The following ZHX2 variants were observed in gnomAD, a reference collection of about 807,000 sequenced individuals.
The protein encoded by ZHX2 is zinc fingers and homeoboxes 2.
ZHX2 carries 6 observed loss-of-function variants against 21.9 expected under a neutral mutation model. The observed-to-expected ratio is 0.27, with a 90% CI of 0.15 to 0.54. ZHX2 has a LOEUF of 0.54. ZHX2 is among the 20% of genes least tolerant of loss of function. The pLI is 0.95. For missense variants in ZHX2, 908 were observed against 1,090.7 expected (o/e 0.83, Z 2.36); for synonymous variants, 434 against 437.1 (o/e 0.99, Z 0.09).
chr8:122,875,145 A>T lies in ZHX2; in HGVS notation c.-220+11606A>T, dbSNP rs1454370975. On this transcript the variant is annotated intron_variant, in intron 2 of 3. Transcript: ENST00000314393. The stretch of plus-strand genomic sequence containing the variant: ...AAAACTCTGTTATATATATATATAT[A>T]TATATATATATATATATATATATAT... 5.8e-3 allele frequency among the ~76,000 whole-genome samples: 21 copies of T among 3,620 alleles called. 1 individual carries two copies. Among genetic ancestry groups the T allele is most frequent in the African/African-American group, 0.014 (20 of 1,388 alleles). The allele number at this position is 3,620 out of a possible 152,430, so 2.4% of individuals were successfully genotyped here. A position where few individuals can be genotyped will look rare whatever the true frequency, so the allele number is the denominator to read the frequency against.
intron 1 of ZHX2, among the ~76,000 whole-genome samples, chr8:122,799,292 G>A (rs970190910): frequency 1.3e-5 from 2 of 152,194 alleles, no homozygotes; most frequent in African/African-American, 4.8e-5. Context: ...GGCAGTGGCA[G>A]CTCTTTCCTC....
intron 1 of ZHX2, among the ~76,000 whole-genome samples, chr8:122,818,976 C>G (rs1818086150): frequency 6.6e-6 from 1 of 152,172 alleles, no homozygotes; most frequent in Admixed American, 6.5e-5. Flanking sequence ...GCGTCCTTAG[C>G]CATAGGACCA....
intron 1 of ZHX2, among the ~76,000 whole-genome samples, chr8:122,783,410 A>G (rs1817331708): frequency 6.6e-6 from 1 of 152,178 alleles, no homozygotes; most frequent in South Asian, 2.1e-4. Flanking sequence ...CCCGATGAGC[A>G]GAATGGAGTT....
chr8:122,886,172 A>G lies in ZHX2; in HGVS notation c.-220+22633A>G, dbSNP rs1386813548. On this transcript the variant is annotated intron_variant, in intron 2 of 3. Coordinates refer to ENST00000314393, the MANE Select transcript of ZHX2 (RefSeq NM_014943.5). ...ATAAAAAGAAATGAGCTATCAAGCCAAGAAAAGACACGGAGAAACCTTCAA... is the reference window on the plus strand; with the variant it reads ...ATAAAAAGAAATGAGCTATCAAGCCGAGAAAAGACACGGAGAAACCTTCAA... 2.0e-5 allele frequency among the ~76,000 whole-genome samples: 3 copies of G among 152,376 alleles called. No individual in the cohort carries two copies. The East Asian group carries it at 5.8e-4, about 29-fold the overall frequency.
At chr8:122,911,258 G>C (rs1246536888) in intron 2 of ZHX2, among the ~76,000 whole-genome samples, 1 of 151,596 alleles carries the variant, frequency 6.6e-6, no homozygotes, top group East Asian at 2.0e-4. Context: ...TCCCGGGGGT[G>C]GAAGGGGGCT....
intron 3 of ZHX2, among the ~76,000 whole-genome samples, chr8:122,963,073 T>C (rs1784857801): frequency 1.3e-5 from 2 of 152,240 alleles, no homozygotes; most frequent in Admixed American, 1.3e-4. Context: ...CTGTGGGTTG[T>C]CTGTTTACTC....
At chr8:122,867,512 G>T (rs938805781) in intron 2 of ZHX2, among the ~76,000 whole-genome samples, 1 of 152,182 alleles carries the variant, frequency 6.6e-6, no homozygotes, top group Admixed American at 6.5e-5. Flanking sequence ...TGTGTTTTTT[G>T]AATAGAAAAT....
chr8:122,792,986 A>C (rs1368374223), intron 1 of ZHX2, among the ~76,000 whole-genome samples: 1 of 152,282 alleles, frequency 6.6e-6, no homozygotes, highest in East Asian at 1.9e-4. Flanking sequence ...AGAGATGGCC[A>C]TACCGCTGCC....
chr8:122,890,519 T>C (rs1313540161), intron 2 of ZHX2, among the ~76,000 whole-genome samples: 1 of 152,168 alleles, frequency 6.6e-6, no homozygotes, highest in Non-Finnish European at 1.5e-5. Flanking sequence ...TTGAAAGAGG[T>C]TGAATTGAAT....
In ZHX2 at chr8:122,814,197, C is replaced by T. The variant is rs577008479; in HGVS notation, c.-283+32251C>T. On this transcript the variant is annotated intron_variant, in intron 1 of 3. Coordinates refer to ENST00000314393, the MANE Select transcript of ZHX2 (RefSeq NM_014943.5). ...ATGCATAAAGAGCCAAGGCAGCTTC[C>T]TGGGGTATCTACTTAGACTCAAAAA... Among the ~76,000 whole-genome samples, 29 of 152,284 alleles carry T rather than the reference C, an allele frequency of 1.9e-4. 1 individual carries two copies. The South Asian group carries it at 5.8e-3, about 31-fold the overall frequency.
intron 1 of ZHX2, among the ~76,000 whole-genome samples, chr8:122,820,589 C>T (rs1408337069): frequency 6.6e-6 from 1 of 152,142 alleles, no homozygotes; most frequent in East Asian, 1.9e-4. Flanking sequence ...GCAGGAAGCT[C>T]AGCTGCTGTC....
In ZHX2 at chr8:122,852,492, AAGTGACAC is replaced by A. The variant is rs571444858; in HGVS notation, c.-282-10982_-282-10975del. On this transcript the variant is annotated intron_variant, in intron 1 of 3. Coordinates refer to ENST00000314393, the MANE Select transcript of ZHX2 (RefSeq NM_014943.5). ...ACAGAGATGTTAAATCACTTAGCCAAAGTGACACAGCTAATCATCGGCAGGCCCAGGAT... is the reference window on the plus strand; with the variant it reads ...ACAGAGATGTTAAATCACTTAGCCAAAGCTAATCATCGGCAGGCCCAGGAT... 2.7e-3 allele frequency among the ~76,000 whole-genome samples: 405 copies of A among 152,184 alleles called. 1 individual carries two copies. Among genetic ancestry groups the A allele is most frequent in the African/African-American group, 9.2e-3 (380 of 41,514 alleles).
In ZHX2 at chr8:122,904,480, T is replaced by G. The variant is rs193061743; in HGVS notation, c.-220+40941T>G. ...AACCTGGCCTTATCCACTCCCTTAGTGTCAGTTAAGATCGTGTGGGAGCCG... is the reference window on the plus strand; with the variant it reads ...AACCTGGCCTTATCCACTCCCTTAGGGTCAGTTAAGATCGTGTGGGAGCCG... On this transcript the variant is annotated intron_variant, in intron 2 of 3. Transcript: ENST00000314393. 2.2e-3 allele frequency among the ~76,000 whole-genome samples: 335 copies of G among 152,198 alleles called. 1 individual carries two copies. Among genetic ancestry groups the G allele is most frequent in the African/African-American group, 7.6e-3 (314 of 41,526 alleles).
In ZHX2 at chr8:122,879,972, C is replaced by CTT. The variant is rs35351207; in HGVS notation, c.-220+16451_-220+16452dup. On this transcript the variant is annotated intron_variant, in intron 2 of 3. Coordinates refer to ENST00000314393, the MANE Select transcript of ZHX2 (RefSeq NM_014943.5). ...ACACTGAGAGAGGTTCTATTGTTAC[C>CTT]TTTTTTTTTTTTTTTTTTTAGATGG... Among the ~76,000 whole-genome samples, 670 of 126,366 alleles carry CTT rather than the reference C, an allele frequency of 5.3e-3. 10 individuals carry two copies. Among genetic ancestry groups the CTT allele is most frequent in the East Asian group, 0.016 (66 of 4,170 alleles). The allele number at this position is 126,366 out of a possible 152,430, so 82.9% of individuals were successfully genotyped here. A position where few individuals can be genotyped will look rare whatever the true frequency, so the allele number is the denominator to read the frequency against.
At chr8:122,854,401 G>C (rs1167519580) in intron 1 of ZHX2, among the ~76,000 whole-genome samples, 1 of 152,216 alleles carries the variant, frequency 6.6e-6, no homozygotes. Context: ...GTAGATAGGA[G>C]AAACTGAGGC....
At chr8:122,887,056 T>A (rs1205084621) in intron 2 of ZHX2, among the ~76,000 whole-genome samples, 3 of 38,800 alleles carry the variant, frequency 7.7e-5, no homozygotes, top group African/African-American at 3.0e-4. Context: ...CCACCGTGTG[T>A]GTGTGTGTGT....
chr8:122,913,659 A>G (rs1820532014), intron 2 of ZHX2, among the ~76,000 whole-genome samples: 1 of 152,214 alleles, frequency 6.6e-6, no homozygotes, highest in Non-Finnish European at 1.5e-5. Context: ...TTCTGTCTTG[A>G]GCAACCCTAA....
chr8:122,876,776 A>G (rs887413677), intron 2 of ZHX2, among the ~76,000 whole-genome samples: 1 of 152,202 alleles, frequency 6.6e-6, no homozygotes, highest in East Asian at 1.9e-4. Flanking sequence ...TTGGATTGTA[A>G]GACTGAGTGT....
At chr8:122,818,825 A>C (rs1310474146) in intron 1 of ZHX2, among the ~76,000 whole-genome samples, 1 of 152,194 alleles carries the variant, frequency 6.6e-6, no homozygotes, top group Non-Finnish European at 1.5e-5. Flanking sequence ...CATATTTGTC[A>C]CAGGCAAACC....
Sources: allele counts gnomAD v4.1 joint callset (sites outside exome capture counted in the v4.1 genomes callset), GRCh38; gene constraint gnomAD v4.1.1; transcripts MANE v1.5; gene names NCBI Gene and HGNC (gene_info 2026-07-23, HGNC 2026-07-21).